Variants in KCNQ1 observed in about 807,000 individuals in gnomAD.
KCNQ1 encodes potassium voltage-gated channel subfamily Q member 1.
A neutral mutation model predicts 72.4 loss-of-function variants in KCNQ1; 49 were observed. The observed-to-expected ratio is 0.68, with a 90% CI of 0.54 to 0.86. The LOEUF (loss-of-function observed/expected upper bound fraction) is 0.86, where lower values mean the gene tolerates loss of function less well. Ranked by LOEUF, KCNQ1 falls within the 40% of genes least tolerant of loss-of-function variation. The pLI is 0.00. For synonymous variants in KCNQ1, 450 were observed against 412.6 expected (o/e 1.09, Z -1.10); for missense variants, 790 against 945.1 (o/e 0.84, Z 2.15).
chr11:2,714,210 A>C (rs1418747231), intron 11 of KCNQ1, among the ~76,000 whole-genome samples: 1 of 152,216 alleles, frequency 6.6e-6, no homozygotes, highest in African/African-American at 2.4e-5. Flanking sequence ...GTCAAATGGG[A>C]GCATTCCAGC....
Position 2,538,697 on chromosome 11 carries a change from C to T in KCNQ1, c.477+10679C>T, listed in dbSNP as rs576308679. ...GGGCCTTGTGTGTGGAGGGGCCCTACGGTGAATCGTTTTCTGTAACAAAGG... is the reference window on the plus strand; with the variant it reads ...GGGCCTTGTGTGTGGAGGGGCCCTATGGTGAATCGTTTTCTGTAACAAAGG... On this transcript the variant is annotated intron_variant, in intron 2 of 15. Coordinates refer to ENST00000155840, the MANE Select transcript of KCNQ1 (RefSeq NM_000218.3). The surrounding 1 kb of genome is among the most constrained non-coding windows in gnomAD (Gnocchi z 6.7). Among the ~76,000 whole-genome samples, 46 of 151,758 alleles carry T rather than the reference C, an allele frequency of 3.0e-4. No individual in the cohort carries two copies. Among genetic ancestry groups the T allele is most frequent in the African/African-American group, 1.0e-3 (43 of 41,342 alleles).
In KCNQ1 at chr11:2,562,437, C is replaced by T. The variant is rs529870081; in HGVS notation, c.478-8191C>T. Among the ~76,000 whole-genome samples the T allele has an allele frequency of 1.9e-4, 29 of 152,278 alleles. No homozygotes were observed. Among genetic ancestry groups the T allele is most frequent in the South Asian group, 6.2e-4 (3 of 4,830 alleles). On this transcript the variant is annotated intron_variant, in intron 2 of 15. Transcript: ENST00000155840. This position sits in a 1 kb window ranked among gnomAD's most constrained non-coding sequence, Gnocchi z 7.5. ...GGCTCTCTCTGTGGCTTATCAGGGC[C>T]GGGCCGGTGTGGAGTTGGAACAGCT...
At chr11:2,533,464 A>G (rs1002244330) in intron 2 of KCNQ1, among the ~76,000 whole-genome samples, 5 of 152,218 alleles carry the variant, frequency 3.3e-5, no homozygotes, top group Non-Finnish European at 7.3e-5. Flanking sequence ...TTCTGAATTC[A>G]GAGGGGGCTG....
rs1336985160 is a variant in KCNQ1, at chr11:2,766,964, G to A, written c.1515-1880G>A. 6.6e-6 allele frequency among the ~76,000 whole-genome samples: 1 copy of A among 150,766 alleles called. No homozygotes were observed. Among genetic ancestry groups the A allele is most frequent in the African/African-American group, 2.4e-5 (1 of 40,860 alleles). On this transcript the variant is annotated intron_variant, in intron 11 of 15. Transcript: ENST00000155840. The surrounding 1 kb of genome is among the most constrained non-coding windows in gnomAD (Gnocchi z 4.4). ...GAGGCCAAGGCGGACAGATCATGAG[G>A]TCAAGAGATCAACACCATCCTAGCC...
rs530723360 is a variant in KCNQ1, at chr11:2,631,700, A to G, written c.1394-30261A>G. 7.5e-6 allele frequency: 3 copies of G among 398,594 alleles called. No individual in the cohort carries two copies. The East Asian group carries it at 1.1e-4, about 14-fold the overall frequency. The allele number at this position is 398,594 out of a possible 1,614,324, so 24.7% of individuals were successfully genotyped here. ...TCACTTGATGGAGTGTTAAGTAGGT[A>G]GGGTGCAGCAGCTGTAGCCCAGATG... On this transcript the variant is annotated intron_variant, in intron 10 of 15. Coordinates refer to ENST00000155840, the MANE Select transcript of KCNQ1 (RefSeq NM_000218.3).
rs1419965297 is a variant in KCNQ1 at position 2,735,224 on chromosome 11, C to A, written c.1515-33620C>A. Among the ~76,000 whole-genome samples the A allele has an allele frequency of 6.6e-6, 1 of 152,110 alleles. No individual in the cohort carries two copies. The highest frequency in any genetic ancestry group is 1.5e-5 in the Non-Finnish European group (1 of 67,990). ...TCAGGGGGCTCTCCTTGATGGTGAC[C>A]CCCTATGAGACGCCACTTGCCCTGA... On this transcript the variant is annotated intron_variant, in intron 11 of 15. Transcript: ENST00000155840. The surrounding 1 kb of genome is among the most constrained non-coding windows in gnomAD (Gnocchi z 7.7).
In KCNQ1 at chr11:2,623,889, C is replaced by A. The variant is rs1347025146; in HGVS notation, c.1393+35035C>A. ...TCTTCGGGGGATATGTATACACATT[C>A]AGAAGTGGAATTGATGGATCCTATG... On this transcript the variant is annotated intron_variant, in intron 10 of 15. Coordinates refer to ENST00000155840, the MANE Select transcript of KCNQ1 (RefSeq NM_000218.3). The surrounding 1 kb of genome is among the most constrained non-coding windows in gnomAD (Gnocchi z 5.2). 1 of 398,452 alleles carries A rather than the reference C, an allele frequency of 2.5e-6. No homozygotes were observed. Among genetic ancestry groups the A allele is most frequent in the Non-Finnish European group, 4.4e-6 (1 of 226,058 alleles). The allele number at this position is 398,452 out of a possible 1,614,324, so 24.7% of individuals were successfully genotyped here.
chr11:2,829,661 C>T (rs900058776), intron 15 of KCNQ1, among the ~76,000 whole-genome samples: 2 of 151,650 alleles, frequency 1.3e-5, no homozygotes, highest in Non-Finnish European at 2.9e-5. Flanking sequence ...CACTTCTCTT[C>T]CATGTTAGGC....
chr11:2,807,447 GC>G (rs1452067178), intron 15 of KCNQ1, among the ~76,000 whole-genome samples: 1 of 152,114 alleles, frequency 6.6e-6, no homozygotes, highest in Admixed American at 6.5e-5. Flanking sequence ...GGGCCTCCTC[GC>G]CCCCCCACTC....
chr11:2,807,558 CCGGGCCGGGCCCTCCT>C (rs1847405034), intron 15 of KCNQ1, among the ~76,000 whole-genome samples: 1 of 152,188 alleles, frequency 6.6e-6, no homozygotes, highest in South Asian at 2.1e-4. Flanking sequence ...CGGAACACTC[CCGGGCCGGGCCCTCCT>C]CGGGCCCAGC....
At chr11:2,706,923 G>A (rs973205513) in intron 11 of KCNQ1, among the ~76,000 whole-genome samples, 4 of 152,214 alleles carry the variant, frequency 2.6e-5, no homozygotes, top group Non-Finnish European at 5.9e-5. Flanking sequence ...GGAGTGGGTG[G>A]AGAGGGTGCG....
intron 2 of KCNQ1, among the ~76,000 whole-genome samples, chr11:2,561,997 C>T (rs1023778348): frequency 2.6e-5 from 4 of 152,180 alleles, no homozygotes; most frequent in Non-Finnish European, 4.4e-5. Flanking sequence ...GGCACCCCAG[C>T]GGTGCCCACA....
chr11:2,548,572 G>A (rs1200184184), intron 2 of KCNQ1, among the ~76,000 whole-genome samples: 3 of 152,240 alleles, frequency 2.0e-5, no homozygotes, highest in South Asian at 2.1e-4. Context: ...TCTGCAAACC[G>A]CTACATTCTG....
rs1408414299 is a variant in KCNQ1, at chr11:2,748,490, C to A, written c.1515-20354C>A. ...ACCTGATGCCAAACCAGGCTCCACT[C>A]TTCCTCCAGGTGAGCCCGAGGGCCC... On this transcript the variant is annotated intron_variant, in intron 11 of 15. Transcript: ENST00000155840. The surrounding 1 kb of genome is among the most constrained non-coding windows in gnomAD (Gnocchi z 6.2). Among the ~76,000 whole-genome samples the A allele has an allele frequency of 6.6e-6, 1 of 152,226 alleles. No individual in the cohort carries two copies. The highest frequency in any genetic ancestry group is 1.5e-5 in the Non-Finnish European group (1 of 68,036).
At chr11:2,708,722 G>A (rs888665781) in intron 11 of KCNQ1, among the ~76,000 whole-genome samples, 4 of 152,120 alleles carry the variant, frequency 2.6e-5, no homozygotes, top group Non-Finnish European at 4.4e-5. Flanking sequence ...GTTGCGGGGG[G>A]CGGTCCATTT....
intron 10 of KCNQ1, among the ~76,000 whole-genome samples, chr11:2,594,113 CTG>C (rs1848705587): frequency 6.6e-6 from 1 of 152,162 alleles, no homozygotes; most frequent in East Asian, 1.9e-4. Flanking sequence ...TTCCTGAAGT[CTG>C]TGTTTCTTTC....
In KCNQ1 at chr11:2,703,905, T is replaced by G. The variant is rs1167304327; in HGVS notation, c.1514+41824T>G. 3.9e-5 allele frequency among the ~76,000 whole-genome samples: 6 copies of G among 152,194 alleles called. No individual in the cohort carries two copies. Among genetic ancestry groups the G allele is most frequent in the African/African-American group, 1.4e-4 (6 of 41,466 alleles). On this transcript the variant is annotated intron_variant, in intron 11 of 15. Coordinates refer to ENST00000155840, the MANE Select transcript of KCNQ1 (RefSeq NM_000218.3). The surrounding 1 kb of genome is among the most constrained non-coding windows in gnomAD (Gnocchi z 6.4). ...GGAAGCTGAGAGGCCCAGGGCCACGTGGCAGCCTCCGCAGTCCATCTGAAG... is the reference window on the plus strand; with the variant it reads ...GGAAGCTGAGAGGCCCAGGGCCACGGGGCAGCCTCCGCAGTCCATCTGAAG...
At position 2,519,652 on chromosome 11, in the gene KCNQ1, AAAC is replaced by A. The variant is rs1372989768; in HGVS notation, c.387-8266_387-8264del. Among the ~76,000 whole-genome samples, 482 of 152,244 alleles carry A rather than the reference AAAC, an allele frequency of 3.2e-3. 7 individuals carry two copies. Among genetic ancestry groups the A allele is most frequent in the Non-Finnish European group, 1.0e-3 (70 of 68,030 alleles). ...AAACAAAACAAAACAAAAAACCAAA[AAAC>A]AACAACAACTAATATATGTTTTTGA... is the stretch of plus-strand genomic sequence containing the variant. On this transcript the variant is annotated intron_variant, in intron 1 of 15. Coordinates refer to ENST00000155840, the MANE Select transcript of KCNQ1 (RefSeq NM_000218.3).
At position 2,782,083 on chromosome 11, in the gene KCNQ1, G is replaced by A. The variant is rs1379114001; in HGVS notation, c.1794+4046G>A. ...CTGCTACCCTTTCCCTCATTCCAGT[G>A]TGACTCCTCCATCAACCAGGCCACA... is the stretch of plus-strand genomic sequence containing the variant. On this transcript the variant is annotated intron_variant, in intron 15 of 15. Coordinates refer to ENST00000155840, the MANE Select transcript of KCNQ1 (RefSeq NM_000218.3). This position sits in a 1 kb window ranked among gnomAD's most constrained non-coding sequence, Gnocchi z 6.1. Among the ~76,000 whole-genome samples, 4 of 152,112 alleles carry A rather than the reference G, an allele frequency of 2.6e-5. No homozygotes were observed. The highest frequency in any genetic ancestry group is 9.7e-5 in the African/African-American group (4 of 41,382).
Sources: allele counts gnomAD v4.1 joint callset (sites outside exome capture counted in the v4.1 genomes callset), GRCh38; gene constraint gnomAD v4.1.1; non-coding constraint Gnocchi (gnomAD v3.1); transcripts MANE v1.5; gene names NCBI Gene and HGNC (gene_info 2026-07-23, HGNC 2026-07-21).